PTPRN2: variants seen among roughly 807,000 people sequenced by gnomAD.
The protein encoded by PTPRN2 is receptor-type tyrosine-protein phosphatase N2.
A neutral mutation model predicts 118.8 loss-of-function variants in PTPRN2; 74 were observed. The ratio of observed to expected loss-of-function variants is 0.62; its 90% CI spans 0.52 to 0.76. The LOEUF (loss-of-function observed/expected upper bound fraction) is 0.76, where lower values mean the gene tolerates loss of function less well. Ranked by LOEUF, PTPRN2 falls within the 30% of genes least tolerant of loss-of-function variation. PTPRN2 has a pLI of 0.00. For synonymous variants in PTPRN2, 641 were observed against 608.0 expected, an observed-to-expected ratio of 1.05 and a Z score of -0.80; for missense variants, 1,481 against 1,394.4, an observed-to-expected ratio of 1.06 and a Z score of -0.99.
intron 14 of PTPRN2, among the ~76,000 whole-genome samples, chr7:157,623,903 A>T (rs1186834075): frequency 1.3e-5 from 2 of 152,218 alleles, no homozygotes; most frequent in Non-Finnish European, 2.9e-5. Flanking sequence ...ATCCTTTGTG[A>T]TATTAAACTG....
chr7:157,768,884 C>T lies in PTPRN2; in HGVS notation c.1789-85947G>A, dbSNP rs996844262. Reference sequence around the variant, plus strand: ...AGGCTTTAAAGAACAAACATGCCCTCGGAAGAAGTTACTCGGCGAAGTCGA... The same window carrying T: ...AGGCTTTAAAGAACAAACATGCCCTTGGAAGAAGTTACTCGGCGAAGTCGA... On this transcript the variant is annotated intron_variant, in intron 12 of 22. Coordinates refer to ENST00000389418, the MANE Select transcript of PTPRN2 (RefSeq NM_002847.5). 5.3e-5 allele frequency among the ~76,000 whole-genome samples: 8 copies of T among 152,242 alleles called. No individual in the cohort carries two copies. The South Asian group carries it at 1.7e-3, about 32-fold the overall frequency.
chr7:157,780,223 C>T lies in PTPRN2; in HGVS notation c.1789-97286G>A, dbSNP rs1404612789. On this transcript the variant is annotated intron_variant, in intron 12 of 22. Coordinates refer to ENST00000389418, the MANE Select transcript of PTPRN2 (RefSeq NM_002847.5). This position sits in a 1 kb window ranked among gnomAD's most constrained non-coding sequence, Gnocchi z 4.5. Reference sequence around the variant, plus strand: ...TCCTGGTCTACCTCCAGCACAAGGACGTTCCTCAGAGCAAGGCATTTGCTC... The same window carrying T: ...TCCTGGTCTACCTCCAGCACAAGGATGTTCCTCAGAGCAAGGCATTTGCTC... Among the ~76,000 whole-genome samples the T allele has an allele frequency of 2.0e-5, 3 of 152,186 alleles. No homozygotes were observed. The highest frequency in any genetic ancestry group is 4.8e-5 in the African/African-American group (2 of 41,440).
At chr7:157,879,132 CGGATTCCGTGGGGCTGGACGGG>C (rs1795970412) in intron 12 of PTPRN2, among the ~76,000 whole-genome samples, 1 of 144,218 alleles carries the variant, frequency 6.9e-6, no homozygotes, top group African/African-American at 2.6e-5. Flanking sequence ...GAGGAGCTCT[CGGATTCCGTGGGGCTGGACGGG>C]TCAGTGTGAT....
intron 10 of PTPRN2, among the ~76,000 whole-genome samples, chr7:158,096,978 G>A (rs1250454142): frequency 6.6e-6 from 1 of 152,144 alleles, no homozygotes; most frequent in Non-Finnish European, 1.5e-5. Flanking sequence ...CTGATGTGTA[G>A]ACAAAATTAT....
At chr7:158,051,194 C>T (rs1170438213) in intron 11 of PTPRN2, among the ~76,000 whole-genome samples, 1 of 152,104 alleles carries the variant, frequency 6.6e-6, no homozygotes, top group African/African-American at 2.4e-5. Context: ...GCAGTGTCAG[C>T]CAGCTCTCAG....
chr7:158,519,008 C>T (rs546335782), intron 1 of PTPRN2, among the ~76,000 whole-genome samples: 1 of 152,136 alleles, frequency 6.6e-6, no homozygotes. Context: ...AACAAAAAAA[C>T]AATACTTGGG....
At chr7:157,935,833 G>A (rs111811400) in intron 11 of PTPRN2, among the ~76,000 whole-genome samples, 1 of 145,368 alleles carries the variant, frequency 6.9e-6, no homozygotes, top group Non-Finnish European at 1.5e-5. Flanking sequence ...CCCTCAGGGG[G>A]GTCTAGCCAT....
intron 3 of PTPRN2, among the ~76,000 whole-genome samples, chr7:158,226,100 T>G (rs1346249566): frequency 6.6e-6 from 1 of 152,208 alleles, no homozygotes; most frequent in Non-Finnish European, 1.5e-5. Context: ...CAGTTTCTAT[T>G]TGCTGAGCCT....
chr7:158,325,286 C>T (rs559187820), intron 2 of PTPRN2, among the ~76,000 whole-genome samples: 1 of 152,392 alleles, frequency 6.6e-6, no homozygotes, highest in East Asian at 1.9e-4. Context: ...CTTACAGGCG[C>T]CTGTGGCACA....
chr7:158,205,148 C>A (rs1408732989), intron 4 of PTPRN2, 23 bp downstream of exon 4: 35 of 1,581,748 alleles, frequency 2.2e-5, no homozygotes, highest in Non-Finnish European at 2.7e-5. Flanking sequence ...GAGCAAGGAG[C>A]AACAAGCCAC....
rs533340142 is a variant in PTPRN2 at position 158,574,215 on chromosome 7, C to T, written c.112+13343G>A. Among the ~76,000 whole-genome samples, 2 of 152,264 alleles carry T rather than the reference C, an allele frequency of 1.3e-5. No homozygotes were observed. Among genetic ancestry groups the T allele is most frequent in the Admixed American group, 1.3e-4 (2 of 15,300 alleles). ...GACAGCAAATAACCATAGATTGAAGCTCTCCAGATTAGACACTTAAAAACT... is the reference window on the plus strand; with the variant it reads ...GACAGCAAATAACCATAGATTGAAGTTCTCCAGATTAGACACTTAAAAACT... On this transcript the variant is annotated intron_variant, in intron 1 of 22. Transcript: ENST00000389418. This position sits in a 1 kb window ranked among gnomAD's most constrained non-coding sequence, Gnocchi z 4.6.
chr7:158,441,447 GGCA>G (rs757963467), intron 2 of PTPRN2, among the ~76,000 whole-genome samples: 449 of 61,206 alleles, frequency 7.3e-3, no homozygotes, highest in Middle Eastern at 0.016. Context: ...TGGCAGTGGT[GGCA>G]GTGGTGGTGA....
At chr7:158,541,554 G>T in intron 1 of PTPRN2, 1 of 1,352,104 alleles carries the variant, frequency 7.4e-7, no homozygotes, top group South Asian at 1.1e-5. Flanking sequence ...CATCTTCATA[G>T]TAGGAAAGCT....
At chr7:157,850,226 T>C (rs778594023) in intron 12 of PTPRN2, among the ~76,000 whole-genome samples, 9 of 152,182 alleles carry the variant, frequency 5.9e-5, no homozygotes, top group Non-Finnish European at 1.0e-4. Flanking sequence ...ATTTCCGAAG[T>C]GCGGAGCCTC....
intron 6 of PTPRN2, among the ~76,000 whole-genome samples, chr7:158,140,321 G>A (rs1192007894): frequency 6.6e-6 from 1 of 152,162 alleles, no homozygotes; most frequent in East Asian, 1.9e-4. Flanking sequence ...TTTTCCAAAA[G>A]GACATCTTCC....
At chr7:158,070,900 TAGTG>T (rs1157946362) in intron 11 of PTPRN2, among the ~76,000 whole-genome samples, 5 of 118,578 alleles carry the variant, frequency 4.2e-5, no homozygotes, top group African/African-American at 1.1e-4. Context: ...GTGCCCATGG[TAGTG>T]GAGGTGCCCA....
intron 3 of PTPRN2, among the ~76,000 whole-genome samples, chr7:158,220,625 G>A (rs1442527608): frequency 1.3e-5 from 2 of 151,912 alleles, no homozygotes; most frequent in Admixed American, 1.3e-4. Context: ...TTTACAACAT[G>A]TACAAAAAGA....
chr7:158,557,324 G>GCAGGCGGCTCCCGCGCAGGT (rs1827103515), intron 1 of PTPRN2, among the ~76,000 whole-genome samples: 1 of 128,278 alleles, frequency 7.8e-6, no homozygotes, highest in African/African-American at 3.6e-5. Flanking sequence ...CCCGCGCAGG[G>GCAGGCGGCTCCCGCGCAGGT]CAGGCGGCTC....
intron 5 of PTPRN2, among the ~76,000 whole-genome samples, chr7:158,168,946 G>A (rs60292394): frequency 0.018 from 2,667 of 152,286 alleles, 72 homozygotes; most frequent in African/African-American, 0.061. Context: ...TCGAATCCTG[G>A]ACACACAAGC....
Sources: allele counts gnomAD v4.1 joint callset (sites outside exome capture counted in the v4.1 genomes callset), GRCh38; gene constraint gnomAD v4.1.1; non-coding constraint Gnocchi (gnomAD v3.1); transcripts MANE v1.5; gene names NCBI Gene and HGNC (gene_info 2026-07-23, HGNC 2026-07-21).